Variants in MAP2K1 observed in about 807,000 individuals in gnomAD.
MAP2K1 encodes dual specificity mitogen-activated protein kinase kinase 1.
A neutral mutation model predicts 46.3 loss-of-function variants in MAP2K1; 16 were observed. That is an observed-to-expected ratio of 0.35 (90% CI 0.23 to 0.52). MAP2K1 has a LOEUF of 0.52. MAP2K1 is among the 20% of genes least tolerant of loss of function. The pLI, the probability that MAP2K1 is intolerant of heterozygous loss-of-function variation, is 0.94. For synonymous variants in MAP2K1, 183 were observed against 185.6 expected, an observed-to-expected ratio of 0.99 and a Z score of 0.11; for missense variants, 263 against 497.1, an observed-to-expected ratio of 0.53 and a Z score of 4.48.
At chr15:66,453,219 G>A (rs1454468371) in intron 5 of MAP2K1, among the ~76,000 whole-genome samples, 1 of 152,212 alleles carries the variant, frequency 6.6e-6, no homozygotes, top group Non-Finnish European at 1.5e-5. Flanking sequence ...GGAACAACCA[G>A]CTTTCTTTTC....
intron 5 of MAP2K1, among the ~76,000 whole-genome samples, chr15:66,473,313 G>A (rs1001712795): frequency 7.9e-5 from 12 of 152,120 alleles, no homozygotes; most frequent in Non-Finnish European, 1.6e-4. Flanking sequence ...AGTGGCTCAC[G>A]ATTGTAATCC....
intron 9 of MAP2K1, 73 bp from the exon 10 acceptor site, chr15:66,489,645 G>GGCAT: frequency 8.9e-7 from 1 of 1,127,072 alleles, no homozygotes; most frequent in Non-Finnish European, 1.4e-6. Context: ...AGAGAAGACA[G>GGCAT]GCATGCAAAC....
intron 1 of MAP2K1, among the ~76,000 whole-genome samples, chr15:66,428,656 T>C (rs1479851056): frequency 1.3e-5 from 2 of 152,120 alleles, no homozygotes; most frequent in African/African-American, 2.4e-5. Flanking sequence ...CCCAGCCAAG[T>C]TGACACGTAA....
Position 66,443,146 on chromosome 15 carries a change from G to T in MAP2K1, c.439-134G>T, listed in dbSNP as rs1327362373. On this transcript the variant is annotated intron_variant, in intron 3 of 10. Coordinates refer to ENST00000307102, the MANE Select transcript of MAP2K1 (RefSeq NM_002755.4). ...TGTGTCGCCCAGGCTGAGTGCAGTG[G>T]TGTGATCTCGGCTCACTGCAAGCTC... is the stretch of plus-strand genomic sequence containing the variant. 5 of 607,366 alleles carry T rather than the reference G, an allele frequency of 8.2e-6. No homozygotes were observed. The African/African-American group carries it at 9.5e-5, about 12-fold the overall frequency. The allele number at this position is 607,366 out of a possible 1,614,324, so 37.6% of individuals were successfully genotyped here.
In MAP2K1 at chr15:66,485,073, G is replaced by A. The variant is rs1245119854; in HGVS notation, c.777G>A (p.Gly259=). 6.2e-7 allele frequency: 1 copy of A among 1,613,978 alleles called. No homozygotes were observed. The highest frequency in any genetic ancestry group is 2.2e-5 in the East Asian group (1 of 44,886). Residue 259 remains glycine (G), a synonymous_variant, in exon 7 of 11, where the codon GGG becomes GGA. Transcript: ENST00000307102. ...MGLSLVEMAV[G]RYPIPPPDAK... ...TGTCTCTGGTAGAGATGGCGGTTGG[G>A]AGGTATCCCATCCCTCCTCCAGATG...
chr15:66,440,228 A>T (rs1567010837), intron 3 of MAP2K1, among the ~76,000 whole-genome samples: 1 of 151,998 alleles, frequency 6.6e-6, no homozygotes. Context: ...AGTAGCTGGG[A>T]CTACAGGCAC....
At chr15:66,397,874 C>T (rs878890405) in intron 1 of MAP2K1, among the ~76,000 whole-genome samples, 9 of 152,030 alleles carry the variant, frequency 5.9e-5, no homozygotes, top group Non-Finnish European at 1.2e-4. Context: ...GAGGCCGAGG[C>T]GTGCAGATCA....
intron 1 of MAP2K1, among the ~76,000 whole-genome samples, chr15:66,397,760 C>T (rs1302255468): frequency 2.6e-5 from 4 of 152,130 alleles, no homozygotes; most frequent in Admixed American, 2.6e-4. Flanking sequence ...AACAATCAGA[C>T]AAACCTAGGA....
intron 1 of MAP2K1, 148 bp from the exon 2 acceptor site, chr15:66,434,879 C>T: frequency 2.8e-6 from 2 of 707,526 alleles, no homozygotes; most frequent in Admixed American, 2.0e-5. Context: ...GTGGGCAGAG[C>T]CACAGTGGGA....
At chr15:66,447,672 C>G (rs1403109534) in intron 5 of MAP2K1, among the ~76,000 whole-genome samples, 23 of 125,806 alleles carry the variant, frequency 1.8e-4, no homozygotes, top group Non-Finnish European at 3.2e-4. Flanking sequence ...GCCTGGGCGA[C>G]AGAGACTCTG....
intron 3 of MAP2K1, among the ~76,000 whole-genome samples, chr15:66,438,164 G>A (rs951186555): frequency 2.7e-5 from 4 of 150,770 alleles, no homozygotes; most frequent in African/African-American, 9.8e-5. Flanking sequence ...TCGGCTCACT[G>A]CAACCTCCAC....
intron 1 of MAP2K1, among the ~76,000 whole-genome samples, chr15:66,411,689 G>A (rs879751324): frequency 1.8e-4 from 27 of 152,156 alleles, no homozygotes; most frequent in East Asian, 1.3e-3. Context: ...TCTTCAGTGC[G>A]CTTTCAAGAT....
intron 1 of MAP2K1, among the ~76,000 whole-genome samples, chr15:66,411,241 T>G (rs2093410642): frequency 6.6e-6 from 1 of 152,076 alleles, no homozygotes; most frequent in African/African-American, 2.4e-5. Flanking sequence ...GTTGGGAGTA[T>G]TATCTGGTCA....
At chr15:66,387,754 G>C (rs1366308079) in intron 1 of MAP2K1, among the ~76,000 whole-genome samples, 1 of 152,232 alleles carries the variant, frequency 6.6e-6, no homozygotes, top group Non-Finnish European at 1.5e-5. Context: ...TTCTAAATGT[G>C]ATCATCTGGG....
At chr15:66,439,637 A>T (rs1055579456) in intron 3 of MAP2K1, among the ~76,000 whole-genome samples, 1 of 152,146 alleles carries the variant, frequency 6.6e-6, no homozygotes, top group Non-Finnish European at 1.5e-5. Flanking sequence ...GTGGTGGCAC[A>T]TGCCTGTAAT....
chr15:66,459,087 G>A (rs1276463646), intron 5 of MAP2K1, among the ~76,000 whole-genome samples: 2 of 151,902 alleles, frequency 1.3e-5, no homozygotes, highest in African/African-American at 4.8e-5. Flanking sequence ...GGTTGAGGAG[G>A]GCGGATCATG....
intron 3 of MAP2K1, among the ~76,000 whole-genome samples, chr15:66,438,338 C>T (rs150434460): frequency 0.012 from 1,781 of 152,200 alleles, 30 homozygotes; most frequent in African/African-American, 0.041. Flanking sequence ...CTGCCCGCCT[C>T]GGCCTCCCAA....
chr15:66,468,428 A>C (rs781299764), intron 5 of MAP2K1, among the ~76,000 whole-genome samples: 2 of 152,190 alleles, frequency 1.3e-5, no homozygotes, highest in Admixed American at 6.5e-5. Context: ...TAAAGTACAG[A>C]GAGGAAAAGT....
chr15:66,398,813 G>T (rs886629880), intron 1 of MAP2K1, among the ~76,000 whole-genome samples: 2 of 145,046 alleles, frequency 1.4e-5, no homozygotes. Context: ...CACTCTTGTC[G>T]TCCAGGCTAG....
Sources: allele counts gnomAD v4.1 joint callset (sites outside exome capture counted in the v4.1 genomes callset), GRCh38; gene constraint gnomAD v4.1.1; transcripts MANE v1.5; gene names NCBI Gene and HGNC (gene_info 2026-07-23, HGNC 2026-07-21).